Variants in B4GALNT4 observed in about 807,000 individuals in gnomAD.
The protein encoded by B4GALNT4 is N-acetyl-beta-glucosaminyl-glycoprotein 4-beta-N-acetylgalactosaminyltransferase 1.
In B4GALNT4, 77 loss-of-function variants were observed where a neutral mutation model predicts 110.0. The observed-to-expected ratio is 0.70, with a 90% CI of 0.58 to 0.85. B4GALNT4 has a LOEUF of 0.85. Ranked by LOEUF, B4GALNT4 falls within the 40% of genes least tolerant of loss-of-function variation. The pLI, the probability that B4GALNT4 is intolerant of heterozygous loss-of-function variation, is 0.00. For missense variants in B4GALNT4, 1,575 were observed against 1,506.0 expected (o/e 1.05, Z -0.76); for synonymous variants, 785 against 655.5 (o/e 1.20, Z -3.02).
chr11:376,992 G>A lies in B4GALNT4; in HGVS notation c.1869G>A (p.Arg623=). The A allele has an allele frequency of 2.7e-6, 4 of 1,455,174 alleles. No individual in the cohort carries two copies. Among genetic ancestry groups the A allele is most frequent in the South Asian group, 1.4e-5 (1 of 69,086 alleles). The allele number at this position is 1,455,174 out of a possible 1,614,324, so 90.1% of individuals were successfully genotyped here. ...TVDSNLSSEA[R]PVTSFLSLSQ... ...ACTCAAACTTGTCCTCCGAAGCGCG[G>A]CCCGTGACCTCCTTCCTGAGCTTGT... The change falls in exon 14 of 20, where the codon CGG becomes CGA. Residue 623 remains arginine, a synonymous_variant. Coordinates refer to ENST00000329962, the MANE Select transcript of B4GALNT4 (RefSeq NM_178537.5).
chr11:375,791 CG>C lies in B4GALNT4; in HGVS notation c.985+23del, dbSNP rs1395298076. On this transcript the variant is annotated intron_variant, in intron 10 of 19. Coordinates refer to ENST00000329962, the MANE Select transcript of B4GALNT4 (RefSeq NM_178537.5). ...TTTCCTCAGTGAGAGGGGGCCCGCG[CG>C]GGGGCGAGGGCGGGGGTGCCTGCCC... 1 of 1,601,096 alleles carries C rather than the reference CG, an allele frequency of 6.2e-7. No homozygotes were observed.
Position 376,419 on chromosome 11 carries a change from A to G in B4GALNT4, c.1298-2A>G. 6.2e-7 allele frequency: 1 copy of G among 1,600,388 alleles called. No homozygotes were observed. The highest frequency in any genetic ancestry group is 8.5e-7 in the Non-Finnish European group (1 of 1,178,440). Reference sequence around the variant, plus strand: ...GGAGCTTCTAACCCGCGTTTCCCGCAGACTTCCTGGACGACGAGGACGAGG... The same window carrying G: ...GGAGCTTCTAACCCGCGTTTCCCGCGGACTTCCTGGACGACGAGGACGAGG... On this transcript the variant is annotated splice_acceptor_variant, in intron 13 of 19. Transcript: ENST00000329962. LOFTEE classifies it high-confidence loss of function.
At chr11:376,004 C>T (rs1846739465) in intron 11 of B4GALNT4, 48 bp downstream of exon 11, 3 of 1,605,194 alleles carry the variant, frequency 1.9e-6, no homozygotes, top group Admixed American at 1.7e-5. Flanking sequence ...TCCGCGGAGC[C>T]TTCTCCAGCC....
intron 8 of B4GALNT4, among the ~76,000 whole-genome samples, chr11:374,451 C>T (rs529327332): frequency 6.0e-5 from 9 of 149,962 alleles, no homozygotes; most frequent in Admixed American, 5.3e-4. Flanking sequence ...GTGTGGAGGG[C>T]ACGTTTCACC....
rs1234567189 is a variant in B4GALNT4 at position 376,587 on chromosome 11, C to G, written c.1464C>G (p.Pro488=). The G allele has an allele frequency of 1.1e-5, 15 of 1,360,332 alleles. No individual in the cohort carries two copies. The highest frequency in any genetic ancestry group is 1.4e-5 in the Non-Finnish European group (15 of 1,064,780). The allele number at this position is 1,360,332 out of a possible 1,614,324, so 84.3% of individuals were successfully genotyped here. Residue 488 remains proline, a synonymous_variant, in exon 14 of 20, where the codon CCC becomes CCG. Transcript: ENST00000329962. ...CCCGCCCCCGGGACGGGGGGACCCC[C>G]AGGCACTCCCGGGCCCTGAGCTGGG... ...TPPRPRDGGT[P]RHSRALSWAA...
chr11:379,108 G>C (rs1846818214), intron 14 of B4GALNT4, among the ~76,000 whole-genome samples: 1 of 152,224 alleles, frequency 6.6e-6, no homozygotes, highest in African/African-American at 2.4e-5. Flanking sequence ...TTCTGAGCAA[G>C]GGGGTAACAG....
At chr11:374,412 G>A (rs898990721) in intron 8 of B4GALNT4, among the ~76,000 whole-genome samples, 2 of 151,434 alleles carry the variant, frequency 1.3e-5, no homozygotes, top group South Asian at 4.2e-4. Context: ...GTGGGTGTGG[G>A]GGGCAGCACG....
rs766225535 is a variant in B4GALNT4, at chr11:373,301, C to T, written c.636+10C>T. The T allele has an allele frequency of 2.6e-5, 42 of 1,606,106 alleles. No individual in the cohort carries two copies. In the South Asian group the frequency reaches 4.4e-4, roughly 17 times the overall value. On this transcript the variant is annotated intron_variant, in intron 6 of 19. Transcript: ENST00000329962. ...GGCCTTTGTGGGCAAGGTACCCCCACCCCAGCCCTGGTGTCGTCCCGGGCC... is the reference window on the plus strand; with the variant it reads ...GGCCTTTGTGGGCAAGGTACCCCCATCCCAGCCCTGGTGTCGTCCCGGGCC...
chr11:376,981 T>G lies in B4GALNT4; in HGVS notation c.1858T>G (p.Ser620Ala), dbSNP rs772756363. ...GCCCACAGTGGACTCAAACTTGTCC[T>G]CCGAAGCGCGGCCCGTGACCTCCTT... is the stretch of plus-strand genomic sequence containing the variant. ...AAPTVDSNLS[S>A]EARPVTSFLS... The change falls in exon 14 of 20, where the codon TCC becomes GCC. Residue 620 changes from serine (S) to alanine (A), a missense_variant. Physicochemically the swap from Ser to Ala is moderately conservative, Grantham distance 99 (BLOSUM62 1). Transcript: ENST00000329962. 62 of 1,457,194 alleles carry G rather than the reference T, an allele frequency of 4.3e-5. No individual in the cohort carries two copies. The highest frequency in any genetic ancestry group is 5.4e-5 in the Non-Finnish European group (60 of 1,110,346). The allele number at this position is 1,457,194 out of a possible 1,614,324, so 90.3% of individuals were successfully genotyped here. A position where few individuals can be genotyped will look rare whatever the true frequency, so the allele number is the denominator to read the frequency against.
intron 1 of B4GALNT4, among the ~76,000 whole-genome samples, chr11:371,731 G>A (rs1347738272): frequency 6.6e-6 from 1 of 152,230 alleles, no homozygotes; most frequent in Non-Finnish European, 1.5e-5. Context: ...GAGGGCACAG[G>A]GCAGTCCTGG....
Position 376,524 on chromosome 11 carries a change from C to A in B4GALNT4, c.1401C>A (p.Pro467=). 6.8e-7 allele frequency: 1 copy of A among 1,466,780 alleles called. No individual in the cohort carries two copies. The highest frequency in any genetic ancestry group is 8.9e-7 in the Non-Finnish European group (1 of 1,118,146). The allele number at this position is 1,466,780 out of a possible 1,614,324, so 90.9% of individuals were successfully genotyped here. A position where few individuals can be genotyped will look rare whatever the true frequency, so the allele number is the denominator to read the frequency against. The change falls in exon 14 of 20, where the codon CCC becomes CCA. Residue 467 remains proline, a synonymous_variant. Transcript: ENST00000329962. ...SGPQSPAPAA[P]AQPGATLAPP... ...CCCAGTCCCCCGCCCCAGCAGCCCC[C>A]GCCCAGCCCGGAGCCACCCTCGCCC... is the stretch of plus-strand genomic sequence containing the variant.
chr11:380,172 C>G lies in B4GALNT4; in HGVS notation c.2685C>G (p.Ala895=). Residue 895 remains alanine, a synonymous_variant, in exon 17 of 20, where the codon GCC becomes GCG. Coordinates refer to ENST00000329962, the MANE Select transcript of B4GALNT4 (RefSeq NM_178537.5). ...GAACCGGGAACTTCGAGCGCTCCGC[C>G]GGGCTGCAGGCGGGAGTGGACGCGG... The part of the protein sequence containing the change: ...LRRTGNFERS[A]GLQAGVDAVE... 6.2e-7 allele frequency: 1 copy of G among 1,603,896 alleles called. No homozygotes were observed. The highest frequency in any genetic ancestry group is 8.5e-7 in the Non-Finnish European group (1 of 1,173,036).
rs778173304 is a variant in B4GALNT4, at chr11:376,234, G to A, written c.1197-17G>A. ...GGGCGGGGCGGGACTCGGCTCTGATGCCCCGCCGCGCCCCAGGTTTGGGTT... is the reference window on the plus strand; with the variant it reads ...GGGCGGGGCGGGACTCGGCTCTGATACCCCGCCGCGCCCCAGGTTTGGGTT... On this transcript the variant is annotated splice_polypyrimidine_tract_variant and intron_variant, in intron 12 of 19. Coordinates refer to ENST00000329962, the MANE Select transcript of B4GALNT4 (RefSeq NM_178537.5). 5.0e-6 allele frequency: 8 copies of A among 1,599,970 alleles called. No homozygotes were observed. The East Asian group carries it at 1.1e-4, about 22-fold the overall frequency.
chr11:372,313 C>A, intron 2 of B4GALNT4, 101 bp downstream of exon 2: 1 of 1,100,336 alleles, frequency 9.1e-7, no homozygotes, highest in Non-Finnish European at 1.3e-6. Flanking sequence ...GAGGACGCAG[C>A]AGGGGGCATG....
chr11:380,381 C>T lies in B4GALNT4; in HGVS notation c.2805C>T (p.Gly935=), dbSNP rs1412077139. Residue 935 remains glycine, a synonymous_variant, in exon 18 of 20, where the codon GGC becomes GGT. Coordinates refer to ENST00000329962, the MANE Select transcript of B4GALNT4 (RefSeq NM_178537.5). ...GCATCCGCAAGCACTGCGTGGAGGG[C>T]AGGCTGGCCTTCGCGCCCGTGGTCA... ...LDGIRKHCVE[G]RLAFAPVVMR... is the part of the protein sequence containing the mutation. 1 of 1,613,210 alleles carries T rather than the reference C, an allele frequency of 6.2e-7. No individual in the cohort carries two copies. The highest frequency in any genetic ancestry group is 2.2e-5 in the East Asian group (1 of 44,864).
At position 376,255 on chromosome 11, in the gene B4GALNT4, G is replaced by T. The variant is rs1846748338; in HGVS notation, c.1201G>T (p.Gly401Trp). The stretch of plus-strand genomic sequence containing the variant: ...TGATGCCCCGCCGCGCCCCAGGTTT[G>T]GGTTCTATAAATACATGAAGATGGA... ...RESPLYLERF[G>W]FYKYMKMDKE... is the part of the protein sequence containing the mutation. Residue 401 changes from glycine (G) to tryptophan (W), a missense_variant, in exon 13 of 20, where the codon GGG (glycine) becomes TGG (tryptophan). By Grantham distance (184) the Gly-to-Trp change is radical. Transcript: ENST00000329962. The T allele has an allele frequency of 1.2e-6, 2 of 1,609,210 alleles. No homozygotes were observed.
In B4GALNT4 at chr11:375,944, G is replaced by C; in HGVS notation, c.1083G>C (p.Gln361His). Residue 361 changes from glutamine (Q) to histidine (H), a missense_variant, in exon 11 of 20, where the codon CAG (glutamine) becomes CAC (histidine). Gln to His is a conservative substitution (Grantham distance 24). Transcript: ENST00000329962. ...VVKDFPIARY[Q>H]GLQFVYLSFV... is the part of the protein sequence containing the mutation. ...AGGACTTCCCGATCGCCAGATACCA[G>C]GGCCTGCAATTTGTGAGTGCGGCTG... 1 of 1,611,808 alleles carries C rather than the reference G, an allele frequency of 6.2e-7. No homozygotes were observed. Among genetic ancestry groups the C allele is most frequent in the Non-Finnish European group, 8.5e-7 (1 of 1,179,480 alleles).
In B4GALNT4 at chr11:377,246, C is replaced by T. The variant is rs1846777069; in HGVS notation, c.2123C>T (p.Ser708Leu). 5 of 1,598,134 alleles carry T rather than the reference C, an allele frequency of 3.1e-6. No individual in the cohort carries two copies. The highest frequency in any genetic ancestry group is 1.1e-5 in the South Asian group (1 of 88,644). ...TGGAACGACCTGCGATGCAACGTTTCGGGGAACCTGCAGCTGCCGGAGGCG... is the reference window on the plus strand; with the variant it reads ...TGGAACGACCTGCGATGCAACGTTTTGGGGAACCTGCAGCTGCCGGAGGCG... The part of the protein sequence containing the change: ...SDWNDLRCNV[S>L]GNLQLPEAEA... Residue 708 changes from serine (S) to leucine (L), a missense_variant, in exon 14 of 20, where the codon TCG (serine) becomes TTG (leucine). Physicochemically the swap from Ser to Leu is moderately radical, Grantham distance 145. Transcript: ENST00000329962.
At position 381,710 on chromosome 11, in the gene B4GALNT4, G is replaced by A. The variant is rs1439230704; in HGVS notation, c.3038G>A (p.Arg1013Gln). The change falls in exon 20 of 20, where the codon CGG becomes CAG. Residue 1013 changes from arginine (R) to glutamine (Q), a missense_variant. Coordinates refer to ENST00000329962, the MANE Select transcript of B4GALNT4 (RefSeq NM_178537.5). ...CTGGAGGTGGAGCGGCTCCGACTGC[G>A]GAATTTCTATCACCACTACCACTCC... Reference protein sequence around the residue: ...AGLEVERLRLRNFYHHYHSKR... With the variant: ...AGLEVERLRLQNFYHHYHSKR... The A allele has an allele frequency of 3.8e-6, 6 of 1,592,424 alleles. No individual in the cohort carries two copies. Among genetic ancestry groups the A allele is most frequent in the South Asian group, 1.1e-5 (1 of 89,484 alleles).
Sources: gnomAD v4.1 joint callset for allele counts (sites outside exome capture counted in the v4.1 genomes callset) on GRCh38, gnomAD v4.1.1 for gene constraint, MANE v1.5 for transcripts, NCBI Gene and HGNC (gene_info 2026-07-23, HGNC 2026-07-21) for gene names.